The following FRMD4A variants were observed in gnomAD, a reference collection of about 807,000 sequenced individuals.
The protein encoded by FRMD4A is FERM domain containing 4A, also known as FERM domain-containing protein 4A.
Under a neutral mutation model 129.1 loss-of-function variants are expected in FRMD4A, and 29 were observed. That is an observed-to-expected ratio of 0.22 (90% CI 0.17 to 0.31). FRMD4A has a LOEUF of 0.31. FRMD4A is among the 10% of genes least tolerant of loss of function. The probability of loss-of-function intolerance (pLI) is 1.00; values close to 1 mark genes in which losing one functional copy is unlikely to be tolerated. For synonymous variants in FRMD4A, 634 were observed against 571.6 expected, an observed-to-expected ratio of 1.11 and a Z score of -1.56; for missense variants, 1,272 against 1,375.8, an observed-to-expected ratio of 0.92 and a Z score of 1.19.
At chr10:13,796,634 A>G (rs1369662392) in intron 4 of FRMD4A, 46 bp from the exon 5 acceptor site, 3 of 1,051,584 alleles carry the variant, frequency 2.9e-6, no homozygotes, top group Non-Finnish European at 4.5e-6. Context: ...CATTTTGCAG[A>G]AGTTTTTTTG....
chr10:14,249,350 T>TC, intron 2 of FRMD4A, among the ~76,000 whole-genome samples: 1 of 121,448 alleles, frequency 8.2e-6, no homozygotes, highest in African/African-American at 2.8e-5. Context: ...AGAATCTGTC[T>TC]TAAAAAAAAA....
intron 2 of FRMD4A, chr10:13,890,935 G>A (rs988980421): frequency 1.3e-5 from 11 of 850,654 alleles, no homozygotes; most frequent in Non-Finnish European, 1.6e-5. Flanking sequence ...CAGGGTACTG[G>A]AGAAAAAGGC....
chr10:14,098,073 A>C (rs1226160927), intron 2 of FRMD4A, among the ~76,000 whole-genome samples: 3 of 143,890 alleles, frequency 2.1e-5, no homozygotes, highest in African/African-American at 7.5e-5. Flanking sequence ...TAGATTATAT[A>C]TAAATTATAT....
At chr10:13,822,203 G>T (rs915454301) in intron 3 of FRMD4A, among the ~76,000 whole-genome samples, 3 of 152,140 alleles carry the variant, frequency 2.0e-5, no homozygotes, top group African/African-American at 7.2e-5. Flanking sequence ...TCATACTTAC[G>T]ATTTTTGTAG....
intron 2 of FRMD4A, among the ~76,000 whole-genome samples, chr10:14,044,002 A>T (rs1833886634): frequency 6.6e-6 from 1 of 152,002 alleles, no homozygotes; most frequent in African/African-American, 2.4e-5. Context: ...ATTTATTAAA[A>T]CTTATTTGTA....
chr10:13,671,182 G>A (rs1419470581), intron 16 of FRMD4A, among the ~76,000 whole-genome samples: 1 of 152,180 alleles, frequency 6.6e-6, no homozygotes, highest in Admixed American at 6.5e-5. Flanking sequence ...GGCTGGGCAC[G>A]GTGGCTCATG....
chr10:13,902,456 GGA>G lies in FRMD4A; in HGVS notation c.46-43546_46-43545del, dbSNP rs140040052. Among the ~76,000 whole-genome samples, 584 of 127,762 alleles carry G rather than the reference GGA, an allele frequency of 4.6e-3. 5 individuals are homozygous for G. The highest frequency in any genetic ancestry group is 0.025 in the East Asian group (111 of 4,404). The allele number at this position is 127,762 out of a possible 152,430, so 83.8% of individuals were successfully genotyped here. On this transcript the variant is annotated intron_variant, in intron 2 of 24. Transcript: ENST00000357447. Reference sequence around the variant, plus strand: ...GAAATTGATGGTTAGGCAAAATACTGGAGAGAGAGAGAGAGAGAGAGAGAGAG... The same window carrying G: ...GAAATTGATGGTTAGGCAAAATACTGGAGAGAGAGAGAGAGAGAGAGAGAG...
chr10:14,027,097 A>G (rs1833018713), intron 2 of FRMD4A, among the ~76,000 whole-genome samples: 1 of 152,208 alleles, frequency 6.6e-6, no homozygotes, highest in Non-Finnish European at 1.5e-5. Flanking sequence ...TCCTTCGAAA[A>G]CCAAGTCCTC....
intron 2 of FRMD4A, among the ~76,000 whole-genome samples, chr10:14,265,034 G>A (rs1351077177): frequency 5.9e-5 from 9 of 152,074 alleles, no homozygotes; most frequent in African/African-American, 1.2e-4. Context: ...CGCAAGCCTC[G>A]GCCTCCCAAA....
rs1196342020 is a variant in FRMD4A at position 14,133,770 on chromosome 10, G to A, written c.45+196288C>T. On this transcript the variant is annotated intron_variant, in intron 2 of 24. Coordinates refer to ENST00000357447, the MANE Select transcript of FRMD4A (RefSeq NM_018027.5). Reference sequence around the variant, plus strand: ...CCTGTTTCTTCTCCACAAAGACTTGGAGAACCATATCTTATGAGTCTGTAT... The same window carrying A: ...CCTGTTTCTTCTCCACAAAGACTTGAAGAACCATATCTTATGAGTCTGTAT... 2.6e-5 allele frequency among the ~76,000 whole-genome samples: 4 copies of A among 152,152 alleles called. 1 individual carries two copies. Among genetic ancestry groups the A allele is most frequent in the Admixed American group, 2.6e-4 (4 of 15,270 alleles).
chr10:14,143,337 G>A (rs1051567885), intron 2 of FRMD4A, among the ~76,000 whole-genome samples: 1 of 152,236 alleles, frequency 6.6e-6, no homozygotes, highest in Non-Finnish European at 1.5e-5. Context: ...CTACACATGG[G>A]TGAAACTTGG....
Position 13,740,446 on chromosome 10 carries a change from C to T in FRMD4A, c.614+66G>A, listed in dbSNP as rs986659169. 5.0e-6 allele frequency: 5 copies of T among 998,522 alleles called. No individual in the cohort carries two copies. The African/African-American group carries it at 8.1e-5, about 16-fold the overall frequency. The allele number at this position is 998,522 out of a possible 1,614,324, so 61.9% of individuals were successfully genotyped here. A position where few individuals can be genotyped will look rare whatever the true frequency, so the allele number is the denominator to read the frequency against. ...TGTCTTTGGAGAGGAACTGAACAATCCTGACATACGATATATTAACACACA... is the reference window on the plus strand; with the variant it reads ...TGTCTTTGGAGAGGAACTGAACAATTCTGACATACGATATATTAACACACA... On this transcript the variant is annotated intron_variant, in intron 10 of 24. Coordinates refer to ENST00000357447, the MANE Select transcript of FRMD4A (RefSeq NM_018027.5).
intron 15 of FRMD4A, chr10:13,684,098 CAAA>C (rs776043158): frequency 6.5e-6 from 1 of 152,870 alleles, no homozygotes; most frequent in Non-Finnish European, 1.5e-5. Context: ...AGTTCTCCAG[CAAA>C]AAATCTTTCC....
intron 2 of FRMD4A, among the ~76,000 whole-genome samples, chr10:14,056,987 T>C (rs1231365413): frequency 6.6e-6 from 1 of 152,206 alleles, no homozygotes; most frequent in Non-Finnish European, 1.5e-5. Flanking sequence ...TGGCAGGCTA[T>C]GTTTTTCTCA....
chr10:13,890,873 C>T (rs2094687584), intron 2 of FRMD4A: 1 of 984,918 alleles, frequency 1.0e-6, no homozygotes, highest in South Asian at 4.7e-5. Context: ...CACAGCCATC[C>T]CTTGGAAATT....
At chr10:14,017,095 G>T (rs2095701654) in intron 2 of FRMD4A, among the ~76,000 whole-genome samples, 1 of 152,224 alleles carries the variant, frequency 6.6e-6, no homozygotes, top group Non-Finnish European at 1.5e-5. Flanking sequence ...GTCATCAGTG[G>T]CTATAGCCTG....
intron 2 of FRMD4A, among the ~76,000 whole-genome samples, chr10:14,011,474 C>G (rs970764759): frequency 6.6e-6 from 1 of 152,136 alleles, no homozygotes; most frequent in Non-Finnish European, 1.5e-5. Flanking sequence ...GCTGCTGAAG[C>G]CTTCATCCAT....
intron 2 of FRMD4A, among the ~76,000 whole-genome samples, chr10:14,035,141 G>A (rs887365704): frequency 2.6e-5 from 4 of 152,254 alleles, no homozygotes; most frequent in East Asian, 1.9e-4. Flanking sequence ...GACTGGGCAC[G>A]GTGGCTCACA....
intron 2 of FRMD4A, among the ~76,000 whole-genome samples, chr10:13,943,444 T>C (rs2095308015): frequency 6.6e-6 from 1 of 151,466 alleles, no homozygotes; most frequent in Admixed American, 6.6e-5. Flanking sequence ...GGTCAAGAGA[T>C]CTAGACCAGC....
Sources: gnomAD v4.1 joint callset for allele counts (sites outside exome capture counted in the v4.1 genomes callset) on GRCh38, gnomAD v4.1.1 for gene constraint, MANE v1.5 for transcripts, NCBI Gene and HGNC (gene_info 2026-07-23, HGNC 2026-07-21) for gene names.